Variants in ZNF263 observed in about 807,000 individuals in gnomAD.
The protein encoded by ZNF263 is zinc finger protein FPM315.
ZNF263 carries 49 observed loss-of-function variants against 63.1 expected under a neutral mutation model. The ratio of observed to expected loss-of-function variants is 0.78; its 90% CI spans 0.62 to 0.99. ZNF263 has a LOEUF of 0.99. Ranked by LOEUF, ZNF263 falls within the 50% of genes least tolerant of loss-of-function variation. The probability of loss-of-function intolerance (pLI) is 0.00; values close to 1 mark genes in which losing one functional copy is unlikely to be tolerated. For missense variants in ZNF263, 872 were observed against 854.8 expected (o/e 1.02, Z -0.25); for synonymous variants, 352 against 324.2 (o/e 1.09, Z -0.92).
intron 4 of ZNF263, 96 bp from the exon 5 acceptor site, chr16:3,288,358 C>A: frequency 1.2e-6 from 1 of 859,568 alleles, no homozygotes; most frequent in Non-Finnish European, 2.0e-6. Context: ...ATGGAGCATT[C>A]TGTATTTATC....
chr16:3,298,998 G>A, intron 1 of ZNF263: 1 of 1,323,910 alleles, frequency 7.6e-7, no homozygotes, highest in East Asian at 2.8e-5. Flanking sequence ...AAGGCCCACT[G>A]AAGGAGTCCT....
At chr16:3,298,036 CT>C (rs1004204380) in intron 1 of ZNF263, among the ~76,000 whole-genome samples, 14 of 152,152 alleles carry the variant, frequency 9.2e-5, no homozygotes, top group Non-Finnish European at 2.1e-4. Context: ...TGTATCGCAG[CT>C]TTTTCAAAAG....
chr16:3,284,295 CCT>C (rs1959259369), intron 1 of ZNF263, 90 bp downstream of exon 1: 2 of 1,429,972 alleles, frequency 1.4e-6, no homozygotes, highest in African/African-American at 2.9e-5. Flanking sequence ...AGTAAATTGC[CCT>C]GAGTAGACCT....
chr16:3,290,337 A>T lies in ZNF263; in HGVS notation c.1831A>T (p.Asn611Tyr). 1 of 1,613,776 alleles carries T rather than the reference A, an allele frequency of 6.2e-7. No individual in the cohort carries two copies. ...KPYKCTLCGE[N>Y]FSHRSNLIRH... ...GTATAAATGTACCCTTTGTGGGGAA[A>T]ACTTCTCTCATAGATCCAATTTAAT... The change falls in exon 6 of 6, where the codon AAC (asparagine) becomes TAC (tyrosine). Residue 611 changes from asparagine (N) to tyrosine (Y), a missense_variant. Coordinates refer to ENST00000219069, the MANE Select transcript of ZNF263 (RefSeq NM_005741.5).
At chr16:3,297,791 G>A (rs1396928007) in intron 1 of ZNF263, among the ~76,000 whole-genome samples, 1 of 152,080 alleles carries the variant, frequency 6.6e-6, no homozygotes, top group African/African-American at 2.4e-5. Context: ...GATAATATAT[G>A]AGAAAGGAAA....
rs772278462 is a variant in ZNF263, at chr16:3,300,458, G to T, written c.*47-455G>T. Reference sequence around the variant, plus strand: ...ATGTCCTGCTTCAGTACAAAGTCCAGAATTAACTTCTTATTTTTTTTAATG... The same window carrying T: ...ATGTCCTGCTTCAGTACAAAGTCCATAATTAACTTCTTATTTTTTTTAATG... On this transcript the variant is annotated intron_variant, in intron 2 of 2. Coordinates refer to the ZNF263 transcript ENST00000574674. 9.5e-5 allele frequency: 154 copies of T among 1,613,904 alleles called. No homozygotes were observed. Among genetic ancestry groups the T allele is most frequent in the South Asian group, 6.6e-4 (60 of 91,064 alleles).
intron 4 of ZNF263, chr16:3,286,565 A>G (rs1364663222): frequency 6.5e-6 from 1 of 152,984 alleles, no homozygotes; most frequent in East Asian, 1.9e-4. Context: ...CTCGTCCCCA[A>G]AGACAAAAAT....
chr16:3,289,078 C>T (rs2150773705), intron 5 of ZNF263, among the ~76,000 whole-genome samples: 1 of 152,270 alleles, frequency 6.6e-6, no homozygotes. Context: ...TTCAAGGAGG[C>T]CCTTATTCTT....
chr16:3,300,332 C>G (rs200010202), intron 2 of ZNF263: 2 of 1,614,238 alleles, frequency 1.2e-6, no homozygotes, highest in Non-Finnish European at 1.7e-6. Context: ...ACCGGAACAC[C>G]GGCTGAGCGT....
At chr16:3,297,969 G>C (rs997297829) in intron 1 of ZNF263, among the ~76,000 whole-genome samples, 9 of 152,204 alleles carry the variant, frequency 5.9e-5, no homozygotes, top group African/African-American at 2.2e-4. Context: ...TGGGATTGGT[G>C]CATTGGGAGA....
In ZNF263 at chr16:3,289,701, A is replaced by G. The variant is rs1164600994; in HGVS notation, c.1195A>G (p.Ile399Val). The G allele has an allele frequency of 1.2e-6, 2 of 1,614,268 alleles. No individual in the cohort carries two copies. The highest frequency in any genetic ancestry group is 1.7e-6 in the Non-Finnish European group (2 of 1,180,040). The stretch of plus-strand genomic sequence containing the variant: ...CTCAAACCTAATTAGGCACCAGAGA[A>G]TACATGCAGCTGAAAGACTGTGTAT... ...NNSNLIRHQRIHAAERLCMGV... is the reference protein window; with the variant it reads ...NNSNLIRHQRVHAAERLCMGV... The change falls in exon 6 of 6, where the codon ATA becomes GTA. Residue 399 changes from isoleucine (I) to valine (V), a missense_variant. By Grantham distance (29) the Ile-to-Val change is conservative. Transcript: ENST00000219069.
At chr16:3,299,098 T>C in intron 1 of ZNF263, 1 of 1,430,440 alleles carries the variant, frequency 7.0e-7, no homozygotes, top group Non-Finnish European at 9.2e-7. Context: ...TTGTTGCATC[T>C]CTTTCAGTGT....
rs1959822271 is a variant in ZNF263, at chr16:3,298,323, TAACA to T, written c.152-782_152-779del. Among the ~76,000 whole-genome samples, 5 of 152,384 alleles carry T rather than the reference TAACA, an allele frequency of 3.3e-5. No homozygotes were observed. The South Asian group carries it at 1.0e-3, about 32-fold the overall frequency. ...AAAGGGAAGTCATTATTATGAAGAC[TAACA>T]TATATATACGATCCTATATACTCAA... On this transcript the variant is annotated intron_variant, in intron 1 of 2. Transcript: ENST00000574674.
rs776318715 is a variant in ZNF263 at position 3,300,326 on chromosome 16, G to C, written c.*47-587G>C. Reference sequence around the variant, plus strand: ...GCCTGAAGCTCCACGCCTCTTACCGGAACACCGGCTGAGCGTTTCTGTTGG... The same window carrying C: ...GCCTGAAGCTCCACGCCTCTTACCGCAACACCGGCTGAGCGTTTCTGTTGG... On this transcript the variant is annotated intron_variant, in intron 2 of 2. Transcript: ENST00000574674. 6 of 1,614,184 alleles carry C rather than the reference G, an allele frequency of 3.7e-6. No individual in the cohort carries two copies. In the South Asian group the frequency reaches 5.5e-5, roughly 15 times the overall value.
Position 3,290,550 on chromosome 16 carries a change from A to G in ZNF263, c.2044A>G (p.Thr682Ala), listed in dbSNP as rs772191230. 1.5e-5 allele frequency: 24 copies of G among 1,609,038 alleles called. No individual in the cohort carries two copies. The highest frequency in any genetic ancestry group is 1.7e-4 in the Middle Eastern group (1 of 6,024). ...SRLMSHQRTH[T>A]G ...TCTTATGAGTCATCAGAGAACTCAC[A>G]CAGGTTAGTAACAGTGGGGTTTCTC... is the stretch of plus-strand genomic sequence containing the variant. Residue 682 changes from threonine to alanine, a missense_variant, in exon 6 of 6, where the codon ACA (threonine) becomes GCA (alanine). Coordinates refer to ENST00000219069, the MANE Select transcript of ZNF263 (RefSeq NM_005741.5).
downstream of ZNF263, among the ~76,000 whole-genome samples, chr16:3,294,222 G>A (rs1385482476): frequency 6.6e-6 from 1 of 152,180 alleles, no homozygotes; most frequent in Non-Finnish European, 1.5e-5. Flanking sequence ...ACCGCGCCCC[G>A]CCTAGACTCA....
Position 3,291,022 on chromosome 16 carries a change from C to A in ZNF263, c.*464C>A. The A allele has an allele frequency of 1.0e-6, 1 of 997,042 alleles. No individual in the cohort carries two copies. Among genetic ancestry groups the A allele is most frequent in the African/African-American group, 1.7e-5 (1 of 57,418 alleles). The allele number at this position is 997,042 out of a possible 1,614,324, so 61.8% of individuals were successfully genotyped here. ...CCCTGGGAAATCAGCTGAAGGTCAA[C>A]AAAAGACTGGTTGTGAGTTGCAGCT... is the stretch of plus-strand genomic sequence containing the variant. On this transcript the variant is annotated 3_prime_UTR_variant, in exon 6 of 6. Transcript: ENST00000219069.
Position 3,290,805 on chromosome 16 carries a change from C to G in ZNF263, c.*247C>G. On this transcript the variant is annotated 3_prime_UTR_variant, in exon 6 of 6. Coordinates refer to ENST00000219069, the MANE Select transcript of ZNF263 (RefSeq NM_005741.5). Reference sequence around the variant, plus strand: ...GGGTGGAATTCTCTGTTAAGTCCACCCTGCCCCAGGGTGCTCCTACCCTCT... The same window carrying G: ...GGGTGGAATTCTCTGTTAAGTCCACGCTGCCCCAGGGTGCTCCTACCCTCT... 7.7e-7 allele frequency: 1 copy of G among 1,291,364 alleles called. No homozygotes were observed. The allele number at this position is 1,291,364 out of a possible 1,614,324, so 80.0% of individuals were successfully genotyped here. A position where few individuals can be genotyped will look rare whatever the true frequency, so the allele number is the denominator to read the frequency against.
In ZNF263 at chr16:3,290,905, T is replaced by G. The variant is rs1477386318; in HGVS notation, c.*347T>G. 1 of 1,031,632 alleles carries G rather than the reference T, an allele frequency of 9.7e-7. No individual in the cohort carries two copies. The highest frequency in any genetic ancestry group is 4.0e-5 in the South Asian group (1 of 25,276). 63.9% of individuals were successfully genotyped at this position (1,031,632 alleles called of 1,614,324 possible). On this transcript the variant is annotated 3_prime_UTR_variant, in exon 6 of 6. Transcript: ENST00000219069. ...ACCTTAACAAGTTTGGGAATCCATG[T>G]GATGTTTTTGATACTTCTTCCTCAT... is the stretch of plus-strand genomic sequence containing the variant.
Sources: allele counts gnomAD v4.1 joint callset (sites outside exome capture counted in the v4.1 genomes callset), GRCh38; gene constraint gnomAD v4.1.1; transcripts MANE v1.5; gene names NCBI Gene and HGNC (gene_info 2026-07-23, HGNC 2026-07-21).